The following DTWD1 variants were observed in gnomAD, a reference collection of about 807,000 sequenced individuals.
DTWD1 encodes DTW motif tRNA-uridine aminocarboxypropyltransferase 1, also known as tRNA-uridine aminocarboxypropyltransferase 1.
A neutral mutation model predicts 30.2 loss-of-function variants in DTWD1; 27 were observed. That is an observed-to-expected ratio of 0.90 (90% CI 0.66 to 1.23). The LOEUF (loss-of-function observed/expected upper bound fraction) is 1.23. Among genes scored for constraint, DTWD1 ranks in the 50% most tolerant of loss-of-function variants. DTWD1 has a pLI of 0.00. For synonymous variants in DTWD1, 99 were observed against 113.1 expected, an observed-to-expected ratio of 0.88 and a Z score of 0.79; for missense variants, 342 against 348.8, an observed-to-expected ratio of 0.98 and a Z score of 0.15.
chr15:49,636,591 G>T (rs113517007), intron 4 of DTWD1, among the ~76,000 whole-genome samples: 9,094 of 152,048 alleles, frequency 0.06, 708 homozygotes, highest in African/African-American at 0.18. Flanking sequence ...AAGAGGACAG[G>T]TCAATTGTCT....
At chr15:49,638,622 G>A (rs1487526045) in intron 4 of DTWD1, among the ~76,000 whole-genome samples, 7 of 152,046 alleles carry the variant, frequency 4.6e-5, no homozygotes, top group East Asian at 1.9e-4. Flanking sequence ...TTAAAACTTC[G>A]TCATTTCGTG....
Position 49,650,293 on chromosome 15 carries a change from A to G in DTWD1, c.*6715A>G, listed in dbSNP as rs1288256813. ...ATCAGAGAATTTAAGCAAATGAGTG[A>G]CAGGATCTGACTTATATTTTTAAAG... On this transcript the variant is annotated 3_prime_UTR_variant, in exon 5 of 5. Transcript: ENST00000403028. 1.3e-5 allele frequency: 2 copies of G among 152,118 alleles called. No homozygotes were observed. The highest frequency in any genetic ancestry group is 3.9e-4 in the East Asian group (2 of 5,172). The allele number at this position is 152,118 out of a possible 1,614,324, so 9.4% of individuals were successfully genotyped here. A position where few individuals can be genotyped will look rare whatever the true frequency, so the allele number is the denominator to read the frequency against.
rs1239678529 is a variant in DTWD1, at chr15:49,654,241, T to C, written c.*10663T>C. On this transcript the variant is annotated 3_prime_UTR_variant, in exon 5 of 5. Transcript: ENST00000403028. ...CTTATGCCATAATGGAGTGAGACTC[T>C]TAGGGTACAGAGTAAGTACATTTTT... 1 of 152,048 alleles carries C rather than the reference T, an allele frequency of 6.6e-6. No individual in the cohort carries two copies. The highest frequency in any genetic ancestry group is 1.9e-4 in the East Asian group (1 of 5,156). 9.4% of individuals were successfully genotyped at this position (152,048 alleles called of 1,614,324 possible).
At chr15:49,637,109 T>A (rs1231396200) in intron 4 of DTWD1, among the ~76,000 whole-genome samples, 1 of 152,216 alleles carries the variant, frequency 6.6e-6, no homozygotes, top group African/African-American at 2.4e-5. Context: ...AGTATTCTTA[T>A]GTAAAGAAGA....
In DTWD1 at chr15:49,649,161, G is replaced by C. The variant is rs2079138095; in HGVS notation, c.*5583G>C. The C allele has an allele frequency of 6.6e-6, 1 of 152,168 alleles. No homozygotes were observed. The highest frequency in any genetic ancestry group is 2.4e-5 in the African/African-American group (1 of 41,440). 9.4% of individuals were successfully genotyped at this position (152,168 alleles called of 1,614,324 possible). On this transcript the variant is annotated 3_prime_UTR_variant, in exon 5 of 5. Transcript: ENST00000403028. ...AAAAGATTTCAAACAGAAGAAATAG[G>C]TCGTATATCGACCAATAATCAGGAT...
intron 4 of DTWD1, among the ~76,000 whole-genome samples, chr15:49,640,742 A>C (rs2079056147): frequency 6.6e-6 from 1 of 152,056 alleles, no homozygotes; most frequent in African/African-American, 2.4e-5. Flanking sequence ...TGAAATATCT[A>C]TGCCCATTTT....
chr15:49,626,390 G>C (rs927603062), intron 2 of DTWD1, among the ~76,000 whole-genome samples: 1 of 152,086 alleles, frequency 6.6e-6, no homozygotes, highest in South Asian at 2.1e-4. Context: ...TCATTAGAGT[G>C]ATTTTAAGCC....
intron 3 of DTWD1, among the ~76,000 whole-genome samples, chr15:49,633,069 A>ATATATATATATATATG (rs2078951789): frequency 1.4e-5 from 2 of 145,994 alleles, no homozygotes; most frequent in Non-Finnish European, 3.0e-5. Context: ...ATATATATAT[A>ATATATATATATATATG]TGTATTTTTT....
In DTWD1 at chr15:49,647,826, A is replaced by G. The variant is rs776017085; in HGVS notation, c.*4248A>G. On this transcript the variant is annotated 3_prime_UTR_variant, in exon 5 of 5. Transcript: ENST00000403028. ...CAACAAAAAAAAAACTGTCTTCAAA[A>G]TAAGAGTATATTATATTCACAAAAC... 15 of 152,172 alleles carry G rather than the reference A, an allele frequency of 9.9e-5. No individual in the cohort carries two copies. The highest frequency in any genetic ancestry group is 6.6e-4 in the Admixed American group (10 of 15,266). 9.4% of individuals were successfully genotyped at this position (152,172 alleles called of 1,614,324 possible).
Position 49,625,416 on chromosome 15 carries a change from G to T in DTWD1, c.249G>T (p.Gln83His), listed in dbSNP as rs1268223034. The change falls in exon 2 of 5, where the codon CAG (glutamine) becomes CAT (histidine). Residue 83 changes from glutamine (Q) to histidine (H), a missense_variant. Transcript: ENST00000403028. ...CAGTTGAAAATGTACCTATTGAACAGATTCCACTTGTGAAGGTTAGTAAGA... is the reference window on the plus strand; with the variant it reads ...CAGTTGAAAATGTACCTATTGAACATATTCCACTTGTGAAGGTTAGTAAGA... ...YVPVENVPIE[Q>H]IPLVKLPLKI... 6.2e-7 allele frequency: 1 copy of T among 1,608,734 alleles called. No homozygotes were observed. Among genetic ancestry groups the T allele is most frequent in the Non-Finnish European group, 8.5e-7 (1 of 1,177,548 alleles).
intron 4 of DTWD1, among the ~76,000 whole-genome samples, chr15:49,640,204 G>A (rs1056699174): frequency 6.6e-6 from 1 of 151,930 alleles, no homozygotes; most frequent in African/African-American, 2.4e-5. Flanking sequence ...TTTATTTTGA[G>A]CTGTGTGTTG....
chr15:49,627,619 C>T (rs1018140894), intron 2 of DTWD1, among the ~76,000 whole-genome samples: 5 of 152,164 alleles, frequency 3.3e-5, no homozygotes, highest in African/African-American at 1.2e-4. Context: ...TGCTCCTAGC[C>T]TACAAAATCT....
In DTWD1 at chr15:49,644,729, C is replaced by T. The variant is rs2079104842; in HGVS notation, c.*1151C>T. On this transcript the variant is annotated 3_prime_UTR_variant, in exon 5 of 5. Transcript: ENST00000403028. The stretch of plus-strand genomic sequence containing the variant: ...TGTTCCCAAGCAGTTACCCCAGTTA[C>T]CTCACTAGGTTTAGTTCCTGCTCCC... 6.6e-6 allele frequency: 1 copy of T among 152,230 alleles called. No individual in the cohort carries two copies. The highest frequency in any genetic ancestry group is 1.5e-5 in the Non-Finnish European group (1 of 68,074). 9.4% of individuals were successfully genotyped at this position (152,230 alleles called of 1,614,324 possible). A position where few individuals can be genotyped will look rare whatever the true frequency, so the allele number is the denominator to read the frequency against.
rs1249273424 is a variant in DTWD1, at chr15:49,625,249, A to G, written c.82A>G (p.Thr28Ala). ...TGTGGAAACAAAACAGTCACAAACT[A>G]CTTCCATAGCTTCAGAAGATCCCCT... ...KFVETKQSQT[T>A]SIASEDPLQN... The change falls in exon 2 of 5, where the codon ACT becomes GCT. Residue 28 changes from threonine (T) to alanine (A), a missense_variant. Thr to Ala is a moderately conservative substitution (Grantham distance 58, BLOSUM62 0). Coordinates refer to ENST00000403028, the MANE Select transcript of DTWD1 (RefSeq NM_001144955.2). 1.2e-5 allele frequency: 20 copies of G among 1,613,378 alleles called. No homozygotes were observed. The highest frequency in any genetic ancestry group is 1.7e-5 in the Admixed American group (1 of 59,924).
chr15:49,634,642 A>T lies in DTWD1; in HGVS notation c.515A>T (p.Asp172Val). The T allele has an allele frequency of 3.1e-6, 5 of 1,613,912 alleles. No homozygotes were observed. Among genetic ancestry groups the T allele is most frequent in the Non-Finnish European group, 4.2e-6 (5 of 1,179,902 alleles). ...NNVRGKNDDPDKPSFKRKRTE... is the reference protein window; with the variant it reads ...NNVRGKNDDPVKPSFKRKRTE... ...GTTAGAGGCAAAAATGATGACCCTGACAAGCCATCTTTTAAACGCAAAAGA... is the reference window on the plus strand; with the variant it reads ...GTTAGAGGCAAAAATGATGACCCTGTCAAGCCATCTTTTAAACGCAAAAGA... The change falls in exon 4 of 5, where the codon GAC becomes GTC. Residue 172 changes from aspartate (D) to valine (V), a missense_variant. Physicochemically the swap from Asp to Val is radical, Grantham distance 152. Transcript: ENST00000403028.
Position 49,631,807 on chromosome 15 carries a change from CCT to C in DTWD1, c.265-351_265-350del, listed in dbSNP as rs575795857. ...AATAAAATGGCATAAAATAGGCAAA[CCT>C]AAAGTTTATAGGATTTATTAAAATG... On this transcript the variant is annotated intron_variant, in intron 2 of 4. Coordinates refer to ENST00000403028, the MANE Select transcript of DTWD1 (RefSeq NM_001144955.2). Among the ~76,000 whole-genome samples the C allele has an allele frequency of 1.6e-3, 239 of 152,020 alleles. 2 individuals carry two copies. Among genetic ancestry groups the C allele is most frequent in the African/African-American group, 5.4e-3 (223 of 41,480 alleles).
intron 3 of DTWD1, among the ~76,000 whole-genome samples, chr15:49,633,073 A>AT (rs1026150483): frequency 6.9e-6 from 1 of 145,288 alleles, no homozygotes; most frequent in Non-Finnish European, 1.5e-5. Flanking sequence ...ATATATATGT[A>AT]TTTTTTTGGT....
chr15:49,635,099 A>G (rs956318156), intron 4 of DTWD1, among the ~76,000 whole-genome samples: 4 of 152,118 alleles, frequency 2.6e-5, no homozygotes, highest in Admixed American at 2.6e-4. Flanking sequence ...CAATGGCACA[A>G]TCTTGGCTCA....
At position 49,633,043 on chromosome 15, in the gene DTWD1, C is replaced by CTATCTATA. The variant is rs1555588572; in HGVS notation, c.408+744_408+745insCTATATAT. ...TAAATTTTTACTTTCCTATTTATAT[C>CTATCTATA]TATATCTATATATATATATATATAT... On this transcript the variant is annotated intron_variant, in intron 3 of 4. Coordinates refer to ENST00000403028, the MANE Select transcript of DTWD1 (RefSeq NM_001144955.2). 4.2e-4 allele frequency among the ~76,000 whole-genome samples: 55 copies of CTATCTATA among 129,520 alleles called. 1 individual carries two copies. Among genetic ancestry groups the CTATCTATA allele is most frequent in the South Asian group, 2.3e-3 (9 of 3,966 alleles). The allele number at this position is 129,520 out of a possible 152,430, so 85.0% of individuals were successfully genotyped here.
Sources: gnomAD v4.1 joint callset for allele counts (sites outside exome capture counted in the v4.1 genomes callset) on GRCh38, gnomAD v4.1.1 for gene constraint, MANE v1.5 for transcripts, NCBI Gene and HGNC (gene_info 2026-07-23, HGNC 2026-07-21) for gene names.